Variants in AUTS2 observed in about 807,000 individuals in gnomAD.
AUTS2 encodes activator of transcription and developmental regulator AUTS2, also known as autism susceptibility gene 2 protein.
A neutral mutation model predicts 112.4 loss-of-function variants in AUTS2; 17 were observed. The ratio of observed to expected loss-of-function variants is 0.15; its 90% CI spans 0.10 to 0.23. The LOEUF is 0.23. Ranked by LOEUF, AUTS2 falls within the 10% of genes least tolerant of loss-of-function variation. The pLI is 1.00. For synonymous variants in AUTS2, 751 were observed against 702.7 expected (o/e 1.07, Z -1.09); for missense variants, 1,510 against 1,701.6 (o/e 0.89, Z 1.98).
At chr7:69,945,872 G>A (rs901380437) in intron 2 of AUTS2, among the ~76,000 whole-genome samples, 6 of 151,894 alleles carry the variant, frequency 4.0e-5, no homozygotes, top group African/African-American at 1.5e-4. Context: ...TTTCAAGATG[G>A]GCTCTTACTC....
At position 70,790,267 on chromosome 7, in the gene AUTS2, G is replaced by A; in HGVS notation, c.3051G>A (p.Gly1017=). The part of the protein sequence containing the change: ...PPNSSSSVHP[G]PLASMPMTVG... Reference sequence around the variant, plus strand: ...ACTCCTCGTCCAGCGTGCACCCGGGGCCCCTGGCCTCGATGCCCATGACGG... The same window carrying A: ...ACTCCTCGTCCAGCGTGCACCCGGGACCCCTGGCCTCGATGCCCATGACGG... The change falls in exon 19 of 19, where the codon GGG becomes GGA. Residue 1017 remains glycine (G), a synonymous_variant. Transcript: ENST00000342771. The surrounding 1 kb of genome is among the most constrained non-coding windows in gnomAD (Gnocchi z 7.6). The A allele has an allele frequency of 1.2e-6, 2 of 1,613,152 alleles. No individual in the cohort carries two copies. The highest frequency in any genetic ancestry group is 1.3e-5 in the African/African-American group (1 of 75,056).
chr7:70,480,550 C>T (rs968718774), intron 5 of AUTS2, among the ~76,000 whole-genome samples: 7 of 152,162 alleles, frequency 4.6e-5, no homozygotes, highest in African/African-American at 1.7e-4. Flanking sequence ...ACCTGGTCAT[C>T]TTTTCCTGAG....
At chr7:69,713,432 C>A (rs10230750) in intron 1 of AUTS2, among the ~76,000 whole-genome samples, 14,501 of 151,358 alleles carry the variant, frequency 0.096, 1,082 homozygotes, top group African/African-American at 0.2. Context: ...CCTTCCCAGC[C>A]TCAGTAACTA....
chr7:69,835,765 A>G (rs569757147), intron 1 of AUTS2, among the ~76,000 whole-genome samples: 2 of 152,186 alleles, frequency 1.3e-5, no homozygotes, highest in Non-Finnish European at 2.9e-5. Context: ...ATTAGGAGGT[A>G]AGTGGTTGGA....
At chr7:70,662,397 T>C (rs1020105559) in intron 5 of AUTS2, among the ~76,000 whole-genome samples, 3 of 152,212 alleles carry the variant, frequency 2.0e-5, no homozygotes, top group African/African-American at 7.2e-5. Context: ...AGGGAAATCC[T>C]AATTACTACC....
chr7:70,078,704 A>G (rs1803157110), intron 2 of AUTS2, among the ~76,000 whole-genome samples: 1 of 152,204 alleles, frequency 6.6e-6, no homozygotes, highest in Non-Finnish European at 1.5e-5. Context: ...GAAGGGAGAA[A>G]GGAAGGAGAA....
At chr7:69,802,726 A>T (rs75697906) in intron 1 of AUTS2, among the ~76,000 whole-genome samples, 1 of 152,088 alleles carries the variant, frequency 6.6e-6, no homozygotes, top group African/African-American at 2.4e-5. Context: ...CTTGCTTTTC[A>T]GTGTTTTGTT....
intron 2 of AUTS2, among the ~76,000 whole-genome samples, chr7:70,117,708 CTG>C (rs1272515078): frequency 6.6e-6 from 1 of 151,790 alleles, no homozygotes; most frequent in Non-Finnish European, 1.5e-5. Flanking sequence ...TATTCAGAAA[CTG>C]AGAAGAATAT....
At chr7:70,359,471 T>C (rs901756097) in intron 4 of AUTS2, among the ~76,000 whole-genome samples, 3 of 152,136 alleles carry the variant, frequency 2.0e-5, no homozygotes, top group African/African-American at 7.2e-5. Flanking sequence ...TCAAGGGGCG[T>C]GGCACTGGCA....
rs530333803 is a variant in AUTS2, at chr7:69,850,022, C to T, written c.310-49264C>T. ...AAGAAATGTCAGACTTGGCTGGGCGCGGTGGCTCACACCTGTAATCCCAGC... is the reference window on the plus strand; with the variant it reads ...AAGAAATGTCAGACTTGGCTGGGCGTGGTGGCTCACACCTGTAATCCCAGC... On this transcript the variant is annotated intron_variant, in intron 1 of 18. Transcript: ENST00000342771. 1.5e-3 allele frequency among the ~76,000 whole-genome samples: 231 copies of T among 152,050 alleles called. 1 individual carries two copies. The highest frequency in any genetic ancestry group is 5.4e-3 in the African/African-American group (224 of 41,470).
At chr7:70,221,847 A>G (rs1811505415) in intron 4 of AUTS2, among the ~76,000 whole-genome samples, 1 of 152,204 alleles carries the variant, frequency 6.6e-6, no homozygotes, top group South Asian at 2.1e-4. Context: ...AAATCATGCC[A>G]TTGCACTCCA....
In AUTS2 at chr7:70,239,696, A is replaced by G. The variant is rs894582659; in HGVS notation, c.660+105125A>G. Among the ~76,000 whole-genome samples the G allele has an allele frequency of 6.6e-5, 10 of 152,140 alleles. 1 individual carries two copies. The highest frequency in any genetic ancestry group is 6.2e-4 in the South Asian group (3 of 4,812). ...GTGATCTGCCCACCTGGGACTCCCA[A>G]AGTGTTGGGATTACAGGCGTGAGCC... is the stretch of plus-strand genomic sequence containing the variant. On this transcript the variant is annotated intron_variant, in intron 4 of 18. Coordinates refer to ENST00000342771, the MANE Select transcript of AUTS2 (RefSeq NM_015570.4).
At chr7:70,213,351 AC>A (rs1431296604) in intron 4 of AUTS2, among the ~76,000 whole-genome samples, 1 of 135,522 alleles carries the variant, frequency 7.4e-6, no homozygotes, top group Non-Finnish European at 1.6e-5. Flanking sequence ...ACGATACAAG[AC>A]CCCCTTTCTA....
chr7:69,916,084 C>T (rs909906350), intron 2 of AUTS2, among the ~76,000 whole-genome samples: 7 of 152,146 alleles, frequency 4.6e-5, no homozygotes, highest in African/African-American at 1.2e-4. Flanking sequence ...TGAACAATTA[C>T]GTGATCTCAG....
At chr7:70,698,732 A>G (rs1036504888) in intron 6 of AUTS2, 112 bp downstream of exon 6, 1 of 861,296 alleles carries the variant, frequency 1.2e-6, no homozygotes, top group Non-Finnish European at 1.8e-6. Flanking sequence ...TTCTGAAGCT[A>G]CTGTTGATGT....
At chr7:70,105,751 A>G (rs960588961) in intron 2 of AUTS2, among the ~76,000 whole-genome samples, 1 of 152,106 alleles carries the variant, frequency 6.6e-6, no homozygotes, top group Non-Finnish European at 1.5e-5. Flanking sequence ...TACCCCCAAA[A>G]TGAAAATCTC....
In AUTS2 at chr7:70,495,535, A is replaced by G. The variant is rs550287537; in HGVS notation, c.690+59754A>G. 1.1e-3 allele frequency among the ~76,000 whole-genome samples: 163 copies of G among 151,946 alleles called. 8 individuals carry two copies. The South Asian group carries it at 0.027, about 25-fold the overall frequency. ...TTGGTGAAACTCTTTCCGCCACCCT[A>G]CACATAGACACACACCCCCCGCACA... is the stretch of plus-strand genomic sequence containing the variant. On this transcript the variant is annotated intron_variant, in intron 5 of 18. Coordinates refer to ENST00000342771, the MANE Select transcript of AUTS2 (RefSeq NM_015570.4).
At chr7:70,184,430 G>A (rs1809492344) in intron 4 of AUTS2, among the ~76,000 whole-genome samples, 1 of 152,078 alleles carries the variant, frequency 6.6e-6, no homozygotes, top group Non-Finnish European at 1.5e-5. Flanking sequence ...TTTGCCTTCT[G>A]GCTAAATTTT....
At chr7:70,393,636 G>A (rs753915296) in intron 4 of AUTS2, among the ~76,000 whole-genome samples, 1 of 152,170 alleles carries the variant, frequency 6.6e-6, no homozygotes, top group Non-Finnish European at 1.5e-5. Context: ...GATTATAGGG[G>A]CTCTATGTGA....
Sources: allele counts gnomAD v4.1 joint callset (sites outside exome capture counted in the v4.1 genomes callset), GRCh38; gene constraint gnomAD v4.1.1; non-coding constraint Gnocchi (gnomAD v3.1); transcripts MANE v1.5; gene names NCBI Gene and HGNC (gene_info 2026-07-23, HGNC 2026-07-21).